The following PRDM16 variants were observed in gnomAD, a reference collection of about 807,000 sequenced individuals.
The protein encoded by PRDM16 is PR/SET domain 16.
In PRDM16, 23 loss-of-function variants were observed where a neutral mutation model predicts 110.6. The ratio of observed to expected loss-of-function variants is 0.21; its 90% CI spans 0.15 to 0.29. The LOEUF is 0.29. Among genes scored for constraint, PRDM16 ranks in the 10% least tolerant of loss-of-function variants. The pLI is 1.00. For synonymous variants in PRDM16, 799 were observed against 781.8 expected (o/e 1.02, Z -0.37); for missense variants, 1,615 against 1,794.3 (o/e 0.90, Z 1.81).
chr1:3,402,532 G>A (rs934619588), intron 5 of PRDM16, among the ~76,000 whole-genome samples: 4 of 152,208 alleles, frequency 2.6e-5, no homozygotes, highest in South Asian at 2.1e-4. Flanking sequence ...GCCGGGTGTC[G>A]CCCGGGGCTC....
intron 1 of PRDM16, among the ~76,000 whole-genome samples, chr1:3,169,035 C>A (rs1643994201): frequency 6.6e-6 from 1 of 152,198 alleles, no homozygotes; most frequent in South Asian, 2.1e-4. Flanking sequence ...AGCCTCCCCA[C>A]CCCTGTAAGA....
chr1:3,351,934 A>G (rs1344403777), intron 3 of PRDM16, among the ~76,000 whole-genome samples: 2 of 151,336 alleles, frequency 1.3e-5, no homozygotes, highest in African/African-American at 2.4e-5. Flanking sequence ...GCCTGAGGGT[A>G]GCTGGGCTGT....
intron 2 of PRDM16, among the ~76,000 whole-genome samples, chr1:3,227,464 T>C (rs1414186697): frequency 6.6e-6 from 1 of 152,162 alleles, no homozygotes; most frequent in East Asian, 1.9e-4. Context: ...GTAAAAAGAT[T>C]GCGGTGTCTC....
rs561792051 is a variant in PRDM16 at position 3,324,519 on chromosome 1, T to C, written c.439-60633T>C. On this transcript the variant is annotated intron_variant, in intron 3 of 16. Coordinates refer to ENST00000270722, the MANE Select transcript of PRDM16 (RefSeq NM_022114.4). Reference sequence around the variant, plus strand: ...CCTGGCCAAAAGACTGTACCTGACATGAAGCCTCATTCACAGGGACGGAAG... The same window carrying C: ...CCTGGCCAAAAGACTGTACCTGACACGAAGCCTCATTCACAGGGACGGAAG... Among the ~76,000 whole-genome samples the C allele has an allele frequency of 2.0e-4, 30 of 152,254 alleles. 1 individual carries two copies. In the East Asian group the frequency reaches 5.6e-3, roughly 29 times the overall value.
chr1:3,409,549 G>A (rs1643632918), intron 8 of PRDM16, among the ~76,000 whole-genome samples: 1 of 152,178 alleles, frequency 6.6e-6, no homozygotes, highest in South Asian at 2.1e-4. Context: ...TCAGGCAGCC[G>A]ACGATTTCTG....
At chr1:3,229,042 C>T (rs1430532708) in intron 2 of PRDM16, among the ~76,000 whole-genome samples, 4 of 152,248 alleles carry the variant, frequency 2.6e-5, no homozygotes, top group African/African-American at 7.2e-5. Context: ...ATGAGCCTTC[C>T]TGGGTGAATG....
At chr1:3,393,978 G>T (rs1440417841) in intron 4 of PRDM16, among the ~76,000 whole-genome samples, 2 of 152,174 alleles carry the variant, frequency 1.3e-5, no homozygotes. Context: ...GGGAGCCCGC[G>T]GCCCGGCGCG....
At chr1:3,215,465 G>GTCCCGGGGACAGGCAAGGCCTA (rs1299567823) in intron 2 of PRDM16, among the ~76,000 whole-genome samples, 1 of 151,840 alleles carries the variant, frequency 6.6e-6, no homozygotes, top group African/African-American at 2.4e-5. Flanking sequence ...AGGGTCATGG[G>GTCCCGGGGACAGGCAAGGCCTA]TGGAGGCGGG....
At chr1:3,335,602 A>AACACACACACACAC (rs3036535) in intron 3 of PRDM16, among the ~76,000 whole-genome samples, 8,271 of 144,118 alleles carry the variant, frequency 0.057, 344 homozygotes, top group East Asian at 0.19. Flanking sequence ...CTGAGGTTAA[A>AACACACACACACAC]ACACACACAC....
At chr1:3,116,553 G>A (rs1303429442) in intron 1 of PRDM16, among the ~76,000 whole-genome samples, 3 of 152,148 alleles carry the variant, frequency 2.0e-5, no homozygotes, top group East Asian at 3.9e-4. Flanking sequence ...CCCGGCTGGG[G>A]CAGTGCCTGG....
intron 1 of PRDM16, among the ~76,000 whole-genome samples, chr1:3,117,319 C>T (rs1642984127): frequency 6.6e-6 from 1 of 152,198 alleles, no homozygotes; most frequent in Admixed American, 6.5e-5. Context: ...TGGCCTTCCT[C>T]AGGAGTCGGA....
At chr1:3,398,760 T>G (rs1033169434) in intron 5 of PRDM16, among the ~76,000 whole-genome samples, 2 of 152,238 alleles carry the variant, frequency 1.3e-5, no homozygotes, top group Non-Finnish European at 2.9e-5. Flanking sequence ...CGGCGTTGGC[T>G]TAGTTGGCGT....
intron 2 of PRDM16, among the ~76,000 whole-genome samples, chr1:3,235,262 A>G (rs1319037716): frequency 6.6e-6 from 1 of 152,088 alleles, no homozygotes; most frequent in Non-Finnish European, 1.5e-5. Context: ...CTTTCTCCTC[A>G]TTTCCAGGGC....
chr1:3,123,372 C>G (rs1211708185), intron 1 of PRDM16, among the ~76,000 whole-genome samples: 1 of 152,234 alleles, frequency 6.6e-6, no homozygotes, highest in Non-Finnish European at 1.5e-5. Context: ...TATCAACCCC[C>G]AAGTGTGGCA....
rs572755638 is a variant in PRDM16, at chr1:3,080,918, G to C, written c.37+11622G>C. On this transcript the variant is annotated intron_variant, in intron 1 of 16. Coordinates refer to ENST00000270722, the MANE Select transcript of PRDM16 (RefSeq NM_022114.4). The surrounding 1 kb of genome is among the most constrained non-coding windows in gnomAD (Gnocchi z 5.2). ...GCACCCAACGCTTCCCGGAGAGCTTGTGTGCCTGAGAGTGTGTGTGTGTAG... is the reference window on the plus strand; with the variant it reads ...GCACCCAACGCTTCCCGGAGAGCTTCTGTGCCTGAGAGTGTGTGTGTGTAG... Among the ~76,000 whole-genome samples, 14 of 152,278 alleles carry C rather than the reference G, an allele frequency of 9.2e-5. No homozygotes were observed. The highest frequency in any genetic ancestry group is 2.1e-4 in the Non-Finnish European group (14 of 68,026).
rs374692489 is a variant in PRDM16, at chr1:3,116,588, C to T, written c.37+47292C>T. Among the ~76,000 whole-genome samples the T allele has an allele frequency of 3.3e-5, 5 of 152,184 alleles. No individual in the cohort carries two copies. In the East Asian group the frequency reaches 7.7e-4, roughly 23 times the overall value. On this transcript the variant is annotated intron_variant, in intron 1 of 16. Transcript: ENST00000270722. Reference sequence around the variant, plus strand: ...GTCTGCTCAGCCCTTCCTCTCTCCCCGCCCGGGACAGAGGCTGCCCCAGGG... The same window carrying T: ...GTCTGCTCAGCCCTTCCTCTCTCCCTGCCCGGGACAGAGGCTGCCCCAGGG...
In PRDM16 at chr1:3,425,759, C is replaced by G. The variant is rs369808146; in HGVS notation, c.3109+9C>G. On this transcript the variant is annotated intron_variant, in intron 13 of 16. Coordinates refer to ENST00000270722, the MANE Select transcript of PRDM16 (RefSeq NM_022114.4). This position sits in a 1 kb window ranked among gnomAD's most constrained non-coding sequence, Gnocchi z 6.9. ...GCACGAGAACGCACCAGGTGGGCCA[C>G]GCGGGGTGGGGCAGCCCCCAGAGCA... The G allele has an allele frequency of 2.5e-6, 4 of 1,613,062 alleles. No homozygotes were observed. The highest frequency in any genetic ancestry group is 3.4e-6 in the Non-Finnish European group (4 of 1,179,784).
intron 1 of PRDM16, among the ~76,000 whole-genome samples, chr1:3,158,806 T>C (rs145436284): frequency 0.023 from 3,487 of 150,586 alleles, 118 homozygotes; most frequent in East Asian, 0.11. Context: ...CAGAGTCTTG[T>C]TCTGTTGCCC....
chr1:3,279,381 G>C lies in PRDM16; in HGVS notation c.438+35244G>C, dbSNP rs1022693402. ...GAAGGGCGGGCCCTCGCGGTGCCTC[G>C]GGGCAGCTGTGCTGAGCAGTGTCAG... On this transcript the variant is annotated intron_variant, in intron 3 of 16. Transcript: ENST00000270722. 3.9e-5 allele frequency among the ~76,000 whole-genome samples: 6 copies of C among 152,042 alleles called. No homozygotes were observed. In the South Asian group the frequency reaches 8.3e-4, roughly 21 times the overall value.
Sources: gnomAD v4.1 joint callset for allele counts (sites outside exome capture counted in the v4.1 genomes callset) on GRCh38, gnomAD v4.1.1 for gene constraint, Gnocchi (gnomAD v3.1) non-coding constraint, MANE v1.5 for transcripts, NCBI Gene and HGNC (gene_info 2026-07-23, HGNC 2026-07-21) for gene names.